Variants in CWH43 observed in about 807,000 individuals in gnomAD.
CWH43 encodes the protein PGAP2-interacting protein.
In CWH43, 91 loss-of-function variants were observed where a neutral mutation model predicts 85.7. The ratio of observed to expected loss-of-function variants is 1.06; its 90% CI spans 0.90 to 1.26. The LOEUF (loss-of-function observed/expected upper bound fraction) is 1.26. CWH43 is among the 50% of genes most tolerant of loss of function. The pLI, the probability that CWH43 is intolerant of heterozygous loss-of-function variation, is 0.00. For missense variants in CWH43, 869 were observed against 839.2 expected, an observed-to-expected ratio of 1.04 and a Z score of -0.44; for synonymous variants, 323 against 293.6, an observed-to-expected ratio of 1.10 and a Z score of -1.02.
At chr4:49,031,292 G>A (rs1431936541) in intron 11 of CWH43, 3 of 203,368 alleles carry the variant, frequency 1.5e-5, no homozygotes, top group African/African-American at 2.3e-5. Context: ...AATAAATAAG[G>A]TACTTCACAA....
At chr4:49,028,049 T>C (rs1783974257) in intron 9 of CWH43, among the ~76,000 whole-genome samples, 1 of 152,202 alleles carries the variant, frequency 6.6e-6, no homozygotes, top group South Asian at 2.1e-4. Flanking sequence ...TATCCCTCTG[T>C]GTGATTTATT....
intron 6 of CWH43, among the ~76,000 whole-genome samples, chr4:48,998,933 G>A (rs1161677223): frequency 6.6e-6 from 1 of 152,140 alleles, no homozygotes; most frequent in African/African-American, 2.4e-5. Context: ...AAGTGAGATT[G>A]ACTGATTGAT....
chr4:48,991,773 T>C (rs550277214), intron 3 of CWH43, among the ~76,000 whole-genome samples, 163 bp from the exon 4 acceptor site: 2 of 152,190 alleles, frequency 1.3e-5, no homozygotes, highest in Non-Finnish European at 2.9e-5. Flanking sequence ...TAAAGAATTA[T>C]AGCAAGTTGC....
At chr4:49,009,704 GA>G (rs1340625068) in intron 8 of CWH43, among the ~76,000 whole-genome samples, 1 of 152,110 alleles carries the variant, frequency 6.6e-6, no homozygotes, top group Non-Finnish European at 1.5e-5. Flanking sequence ...GAATTTTGTC[GA>G]AGGCCTTTTC....
Position 49,017,234 on chromosome 4 carries a change from C to A in CWH43, c.1187-15C>A, listed in dbSNP as rs573873676. 5.6e-6 allele frequency: 9 copies of A among 1,594,084 alleles called. No individual in the cohort carries two copies. The highest frequency in any genetic ancestry group is 2.3e-5 in the South Asian group (2 of 87,268). ...TTATTTTAAAAAAACCCAATTATTT[C>A]TTTTTTCTGTTTAGTTCTGTGGCTG... On this transcript the variant is annotated splice_polypyrimidine_tract_variant and intron_variant, in intron 8 of 15. Transcript: ENST00000226432.
rs764768646 is a variant in CWH43, at chr4:48,994,717, A to T, written c.610A>T (p.Ser204Cys). ...GCTGCTGGCAGGGGCTGCTTTTGGT[A>T]GCCTTGTGTTCCTCACCCACTGGGT... ...NWLLAGAAFG[S>C]LVFLTHWVFG... Residue 204 changes from serine (S) to cysteine (C), a missense_variant, in exon 5 of 16, where the codon AGC becomes TGC. Transcript: ENST00000226432. 4 of 1,614,188 alleles carry T rather than the reference A, an allele frequency of 2.5e-6. No homozygotes were observed. Among genetic ancestry groups the T allele is most frequent in the Non-Finnish European group, 3.4e-6 (4 of 1,180,028 alleles).
rs1336741127 is a variant in CWH43 at position 48,998,532 on chromosome 4, G to A, written c.786G>A (p.Leu262=). Residue 262 remains leucine, a synonymous_variant, in exon 6 of 16, where the codon TTG becomes TTA. Transcript: ENST00000226432. ...GTTTGTGGTTTCGTGGTACTGGTTT[G>A]ATCTGGTGGGTTACAGGTATGTGGA... ...PSCLWFRGTG[L]IWWVTGTASA... 6.2e-7 allele frequency: 1 copy of A among 1,613,518 alleles called. No homozygotes were observed. Among genetic ancestry groups the A allele is most frequent in the African/African-American group, 1.3e-5 (1 of 74,908 alleles).
In CWH43 at chr4:49,009,145, T is replaced by C. The variant is rs560216760; in HGVS notation, c.1186+1819T>C. ...TTCCATTTGTTTGTGTCCTCTTTTA[T>C]TTCATTGAGCAGTGGTTTGTAGTTC... is the stretch of plus-strand genomic sequence containing the variant. On this transcript the variant is annotated intron_variant, in intron 8 of 15. Transcript: ENST00000226432. Among the ~76,000 whole-genome samples the C allele has an allele frequency of 4.6e-5, 7 of 152,324 alleles. No homozygotes were observed. The South Asian group carries it at 1.5e-3, about 32-fold the overall frequency.
chr4:48,997,289 C>T (rs1409907246), intron 5 of CWH43, among the ~76,000 whole-genome samples: 1 of 151,094 alleles, frequency 6.6e-6, no homozygotes, highest in Non-Finnish European at 1.5e-5. Flanking sequence ...AAACTCCTGA[C>T]CTCAAACAAT....
intron 9 of CWH43, among the ~76,000 whole-genome samples, chr4:49,023,640 A>G (rs550474629): frequency 3.7e-4 from 56 of 152,148 alleles, no homozygotes; most frequent in African/African-American, 1.3e-3. Flanking sequence ...GCCTCCAAAA[A>G]TGCTGGGATT....
intron 14 of CWH43, among the ~76,000 whole-genome samples, chr4:49,048,618 C>T (rs1372014653): frequency 6.6e-6 from 1 of 152,014 alleles, no homozygotes; most frequent in African/African-American, 2.4e-5. Context: ...CATGTGCCCA[C>T]ATGGCCTTTC....
chr4:49,003,440 G>A (rs933699390), intron 6 of CWH43, among the ~76,000 whole-genome samples: 1 of 151,996 alleles, frequency 6.6e-6, no homozygotes, highest in African/African-American at 2.4e-5. Flanking sequence ...TTTTATTGCT[G>A]TTAGGATCTT....
intron 7 of CWH43, among the ~76,000 whole-genome samples, chr4:49,006,256 G>GTT (rs554100649): frequency 2.7e-5 from 4 of 149,140 alleles, no homozygotes; most frequent in Non-Finnish European, 4.5e-5. Flanking sequence ...TGAACGATGA[G>GTT]TTTTTTTTTT....
chr4:49,008,822 CA>C (rs1347178449), intron 8 of CWH43, among the ~76,000 whole-genome samples: 1 of 152,106 alleles, frequency 6.6e-6, no homozygotes. Context: ...CTGTTCTGTT[CA>C]ATTGGTCTAT....
intron 13 of CWH43, among the ~76,000 whole-genome samples, chr4:49,044,519 G>C (rs999193424): frequency 6.6e-6 from 1 of 152,162 alleles, no homozygotes; most frequent in Admixed American, 6.5e-5. Context: ...TTTTGTAATC[G>C]TTGATTTATC....
intron 15 of CWH43, among the ~76,000 whole-genome samples, chr4:49,051,081 A>G (rs1306577548): frequency 6.6e-6 from 1 of 152,200 alleles, no homozygotes; most frequent in Non-Finnish European, 1.5e-5. Flanking sequence ...CAGCATCATC[A>G]TCATCATTAT....
intron 11 of CWH43, chr4:49,031,172 C>A: frequency 2.1e-6 from 1 of 466,230 alleles, no homozygotes; most frequent in Non-Finnish European, 3.7e-6. Flanking sequence ...GCATTATAAA[C>A]CAATCAATCT....
intron 3 of CWH43, 68 bp downstream of exon 3, chr4:48,991,642 C>T: frequency 6.5e-7 from 1 of 1,545,104 alleles, no homozygotes; most frequent in Non-Finnish European, 8.8e-7. Flanking sequence ...AAACCTGGGG[C>T]CAGGAGTTCC....
chr4:49,028,115 T>C (rs1783976228), intron 9 of CWH43, among the ~76,000 whole-genome samples: 1 of 152,228 alleles, frequency 6.6e-6, no homozygotes, highest in Non-Finnish European at 1.5e-5. Context: ...AGCACTTTCA[T>C]GAATTCCTTT....
Sources: gnomAD v4.1 joint callset for allele counts (sites outside exome capture counted in the v4.1 genomes callset) on GRCh38, gnomAD v4.1.1 for gene constraint, MANE v1.5 for transcripts, NCBI Gene and HGNC (gene_info 2026-07-23, HGNC 2026-07-21) for gene names.